GALNTL6: variants seen among roughly 807,000 people sequenced by gnomAD.
GALNTL6 encodes the protein polypeptide N-acetylgalactosaminyltransferase-like 6.
GALNTL6 carries 46 observed loss-of-function variants against 73.7 expected under a neutral mutation model. That is an observed-to-expected ratio of 0.62 (90% CI 0.49 to 0.80). The LOEUF is 0.80. Ranked by LOEUF, GALNTL6 falls within the 30% of genes least tolerant of loss-of-function variation. The pLI is 0.00. For synonymous variants in GALNTL6, 259 were observed against 263.7 expected, an observed-to-expected ratio of 0.98 and a Z score of 0.17; for missense variants, 604 against 755.0, an observed-to-expected ratio of 0.80 and a Z score of 2.34.
intron 5 of GALNTL6, among the ~76,000 whole-genome samples, chr4:172,409,502 G>C (rs950358663): frequency 6.6e-6 from 1 of 151,868 alleles, no homozygotes; most frequent in South Asian, 2.1e-4. Flanking sequence ...CTATTAGTTG[G>C]TACTTGTTCT....
intron 8 of GALNTL6, among the ~76,000 whole-genome samples, chr4:172,908,961 G>GA (rs554926125): frequency 6.6e-6 from 1 of 151,546 alleles, no homozygotes; most frequent in Non-Finnish European, 1.5e-5. Context: ...AAATTTTGGA[G>GA]AAAAAATGAT....
chr4:172,570,507 A>G (rs1044350258), intron 5 of GALNTL6, among the ~76,000 whole-genome samples: 1 of 152,144 alleles, frequency 6.6e-6, no homozygotes, highest in African/African-American at 2.4e-5. Flanking sequence ...CTGTAAGCTA[A>G]GGAGAGAGTT....
Position 171,975,576 on chromosome 4 carries a change from A to G in GALNTL6, c.138+160858A>G, listed in dbSNP as rs182150612. Among the ~76,000 whole-genome samples the G allele has an allele frequency of 2.6e-5, 4 of 152,258 alleles. No individual in the cohort carries two copies. In the East Asian group the frequency reaches 7.7e-4, roughly 29 times the overall value. On this transcript the variant is annotated intron_variant, in intron 2 of 12. Coordinates refer to ENST00000506823, the MANE Select transcript of GALNTL6 (RefSeq NM_001034845.3). The stretch of plus-strand genomic sequence containing the variant: ...AGTTTTTCATTGAATTGGAACTTAA[A>G]AGACATACTAGAGAAAAGCAAAAGC...
chr4:172,611,346 C>T (rs1159202699), intron 5 of GALNTL6, among the ~76,000 whole-genome samples: 1 of 151,950 alleles, frequency 6.6e-6, no homozygotes, highest in Non-Finnish European at 1.5e-5. Flanking sequence ...TTAGCATTAC[C>T]TTAAGGACCT....
intron 8 of GALNTL6, among the ~76,000 whole-genome samples, chr4:172,911,404 C>T (rs549898084): frequency 1.3e-5 from 2 of 152,166 alleles, no homozygotes; most frequent in African/African-American, 2.4e-5. Context: ...AGAGACCACT[C>T]CTTACTTCTG....
intron 11 of GALNTL6, among the ~76,000 whole-genome samples, chr4:173,020,932 G>A (rs1752964587): frequency 6.6e-6 from 1 of 152,128 alleles, no homozygotes; most frequent in Non-Finnish European, 1.5e-5. Context: ...AATTAGCCAG[G>A]CGTGGTGGCG....
At chr4:172,196,804 A>G (rs1239535256) in intron 2 of GALNTL6, among the ~76,000 whole-genome samples, 1 of 152,206 alleles carries the variant, frequency 6.6e-6, no homozygotes, top group Non-Finnish European at 1.5e-5. Flanking sequence ...CAAAATAATA[A>G]GAGCCATTTA....
chr4:172,466,165 T>C (rs1732809933), intron 5 of GALNTL6, among the ~76,000 whole-genome samples: 1 of 152,158 alleles, frequency 6.6e-6, no homozygotes, highest in South Asian at 2.1e-4. Context: ...TAGCAAAATC[T>C]CACAAGATGG....
intron 5 of GALNTL6, among the ~76,000 whole-genome samples, chr4:172,513,069 C>T (rs1246163405): frequency 1.3e-5 from 2 of 152,094 alleles, no homozygotes; most frequent in Non-Finnish European, 2.9e-5. Context: ...TTAGATGCAT[C>T]TTCTTTCTCG....
chr4:172,027,614 A>C (rs1203669992), intron 2 of GALNTL6, among the ~76,000 whole-genome samples: 1 of 127,228 alleles, frequency 7.9e-6, no homozygotes, highest in Non-Finnish European at 1.8e-5. Context: ...CTGTAGTGAA[A>C]AGAAAAATCA....
intron 5 of GALNTL6, among the ~76,000 whole-genome samples, chr4:172,555,242 A>G (rs1392642437): frequency 6.6e-6 from 1 of 152,198 alleles, no homozygotes; most frequent in Non-Finnish European, 1.5e-5. Flanking sequence ...ATTGTTTCAG[A>G]AGTTCTAATA....
At chr4:172,406,686 C>T (rs1744248802) in intron 5 of GALNTL6, among the ~76,000 whole-genome samples, 1 of 151,954 alleles carries the variant, frequency 6.6e-6, no homozygotes, top group Non-Finnish European at 1.5e-5. Flanking sequence ...ATGGTCAGCC[C>T]ACTTTTCTGA....
intron 2 of GALNTL6, among the ~76,000 whole-genome samples, chr4:172,000,265 T>G (rs986607659): frequency 6.6e-6 from 1 of 152,134 alleles, no homozygotes; most frequent in East Asian, 1.9e-4. Context: ...GTATGGAAAA[T>G]AAACTCTCCT....
intron 3 of GALNTL6, among the ~76,000 whole-genome samples, chr4:172,305,013 C>T (rs7668406): frequency 0.16 from 23,950 of 152,056 alleles, 2,065 homozygotes; most frequent in Middle Eastern, 0.19. Flanking sequence ...GTTACCATAT[C>T]ACAATTGCTG....
Position 172,459,820 on chromosome 4 carries a change from T to C in GALNTL6, c.553+111131T>C, listed in dbSNP as rs192855091. ...ATTTATAGATTCAGTGTTATCCCCA[T>C]CAAGCTACCATTGACTTTCTTCACA... On this transcript the variant is annotated intron_variant, in intron 5 of 12. Transcript: ENST00000506823. Among the ~76,000 whole-genome samples, 206 of 152,290 alleles carry C rather than the reference T, an allele frequency of 1.4e-3. 5 individuals are homozygous for C. In the South Asian group the frequency reaches 0.034, roughly 25 times the overall value.
chr4:172,033,596 C>T (rs1741836567), intron 2 of GALNTL6, among the ~76,000 whole-genome samples: 1 of 151,780 alleles, frequency 6.6e-6, no homozygotes, highest in Non-Finnish European at 1.5e-5. Flanking sequence ...TTTCTATGGT[C>T]CATGAACTAA....
chr4:172,694,644 G>C (rs1378763817), intron 5 of GALNTL6, among the ~76,000 whole-genome samples: 1 of 152,178 alleles, frequency 6.6e-6, no homozygotes, highest in African/African-American at 2.4e-5. Context: ...GAAGAAACCA[G>C]AAAGCACAAG....
chr4:172,624,903 T>A (rs1333511343), intron 5 of GALNTL6, among the ~76,000 whole-genome samples: 1 of 151,992 alleles, frequency 6.6e-6, no homozygotes, highest in African/African-American at 2.4e-5. Context: ...GTACCACTGA[T>A]CCTGTCACCC....
At chr4:172,671,986 G>A (rs1732012767) in intron 5 of GALNTL6, among the ~76,000 whole-genome samples, 1 of 152,102 alleles carries the variant, frequency 6.6e-6, no homozygotes, top group Non-Finnish European at 1.5e-5. Context: ...CGCATCCCAG[G>A]TTCAAGTAAT....
Sources: allele counts gnomAD v4.1 joint callset (sites outside exome capture counted in the v4.1 genomes callset), GRCh38; gene constraint gnomAD v4.1.1; transcripts MANE v1.5; gene names NCBI Gene and HGNC (gene_info 2026-07-23, HGNC 2026-07-21).